PPP2R1B: variants seen among roughly 807,000 people sequenced by gnomAD.
PPP2R1B encodes the protein protein phosphatase 2 scaffold subunit Abeta.
Under a neutral mutation model 72.7 loss-of-function variants are expected in PPP2R1B, and 58 were observed. The observed-to-expected ratio is 0.80, with a 90% CI of 0.65 to 0.99. The LOEUF (loss-of-function observed/expected upper bound fraction) is 0.99, where lower values mean the gene tolerates loss of function less well. Among genes scored for constraint, PPP2R1B ranks in the 50% least tolerant of loss-of-function variants. The pLI, the probability that PPP2R1B is intolerant of heterozygous loss-of-function variation, is 0.00. For synonymous variants in PPP2R1B, 256 were observed against 264.6 expected (o/e 0.97, Z 0.32); for missense variants, 695 against 733.6 (o/e 0.95, Z 0.61).
At chr11:111,688,593 G>A in the PPP2R1B span, among the ~76,000 whole-genome samples, 3 of 152,190 alleles carry the variant, frequency 2.0e-5, no homozygotes, top group Non-Finnish European at 1.5e-5. The surrounding 1 kb of genome is among the most constrained non-coding windows in gnomAD (Gnocchi z 4.2). Context: ...AGAAATAGTT[G>A]AGACAGAAAA....
At position 111,738,536 on chromosome 11, in the gene PPP2R1B, G is replaced by A; in HGVS notation, c.*3060C>T. 2.0e-6 allele frequency: 2 copies of A among 985,490 alleles called. No homozygotes were observed. The highest frequency in any genetic ancestry group is 1.2e-6 in the Non-Finnish European group (1 of 829,960). The allele number at this position is 985,490 out of a possible 1,614,324, so 61.0% of individuals were successfully genotyped here. A position where few individuals can be genotyped will look rare whatever the true frequency, so the allele number is the denominator to read the frequency against. On this transcript the variant is annotated 3_prime_UTR_variant, in exon 15 of 15. Transcript: ENST00000527614. ...TCTACGCAAGCAACCTGAATGCCTGGACAAGCCAGCTCAAAGGTCAGGCTG... is the reference window on the plus strand; with the variant it reads ...TCTACGCAAGCAACCTGAATGCCTGAACAAGCCAGCTCAAAGGTCAGGCTG...
In PPP2R1B at chr11:111,740,180, C is replaced by T; in HGVS notation, c.*1416G>A. 2.0e-6 allele frequency: 2 copies of T among 985,356 alleles called. No homozygotes were observed. Among genetic ancestry groups the T allele is most frequent in the Non-Finnish European group, 1.2e-6 (1 of 829,870 alleles). The allele number at this position is 985,356 out of a possible 1,614,324, so 61.0% of individuals were successfully genotyped here. ...ATAAACTATGGGAAAACCCCCTTAA[C>T]CAAAAGTCATGAGACAAGGTGAGTT... On this transcript the variant is annotated 3_prime_UTR_variant, in exon 15 of 15. Transcript: ENST00000527614.
At chr11:111,722,024 C>T (rs1943817852), downstream of PPP2R1B, 2 of 1,089,114 alleles carry the variant, frequency 1.8e-6, no homozygotes, top group African/African-American at 3.1e-5. The surrounding 1 kb of genome is among the most constrained non-coding windows in gnomAD (Gnocchi z 4.4). Flanking sequence ...TTTTGCCTGG[C>T]ATTTATTTAG....
chr11:111,737,315 G>T (rs1014744476), downstream of PPP2R1B: 1 of 1,347,460 alleles, frequency 7.4e-7, no homozygotes, highest in Non-Finnish European at 1.0e-6. Context: ...CTTAAAATTG[G>T]ACTCTTCCCC....
intron 3 of PPP2R1B, 172 bp from the exon 4 acceptor site, chr11:111,761,223 A>G: frequency 1.4e-6 from 1 of 718,806 alleles, no homozygotes; most frequent in Non-Finnish European, 2.5e-6. Context: ...TGGTGCGGCC[A>G]ACCCAAAGAC....
downstream of PPP2R1B, among the ~76,000 whole-genome samples, chr11:111,736,649 G>A (rs1337607773): frequency 6.6e-6 from 1 of 152,330 alleles, no homozygotes; most frequent in African/African-American, 2.4e-5. Flanking sequence ...ATGAGTGACT[G>A]CGATTCTGGA....
Position 111,740,274 on chromosome 11 carries a change from G to C in PPP2R1B, c.*1322C>G. On this transcript the variant is annotated 3_prime_UTR_variant, in exon 15 of 15. Transcript: ENST00000527614. Reference sequence around the variant, plus strand: ...GCTCTATGGCCCAGGCTAGAGTGCAGTGGCGCGATCTCGGCTCAGTGCAAC... The same window carrying C: ...GCTCTATGGCCCAGGCTAGAGTGCACTGGCGCGATCTCGGCTCAGTGCAAC... 1 of 954,648 alleles carries C rather than the reference G, an allele frequency of 1.0e-6. No individual in the cohort carries two copies. The highest frequency in any genetic ancestry group is 1.2e-6 in the Non-Finnish European group (1 of 802,022). The allele number at this position is 954,648 out of a possible 1,614,324, so 59.1% of individuals were successfully genotyped here. A position where few individuals can be genotyped will look rare whatever the true frequency, so the allele number is the denominator to read the frequency against.
intron 11 of PPP2R1B, 47 bp downstream of exon 11, chr11:111,747,907 A>T: frequency 6.5e-7 from 1 of 1,537,014 alleles, no homozygotes; most frequent in Non-Finnish European, 8.9e-7. Context: ...AAATGTATGA[A>T]AATCATGGAT....
At chr11:111,696,672 CATA>C in the PPP2R1B span, among the ~76,000 whole-genome samples, 1 of 152,154 alleles carries the variant, frequency 6.6e-6, no homozygotes, top group African/African-American at 2.4e-5. Context: ...TGATTGTTTT[CATA>C]ATGTTTTCCA....
intron 1 of PPP2R1B, chr11:111,765,744 G>A: frequency 2.1e-6 from 1 of 482,282 alleles, no homozygotes; most frequent in Non-Finnish European, 4.1e-6. Flanking sequence ...AGTTCCCACA[G>A]AGCGGATACA....
chr11:111,763,036 G>A (rs941201974), intron 3 of PPP2R1B, among the ~76,000 whole-genome samples: 2 of 152,212 alleles, frequency 1.3e-5, no homozygotes, highest in South Asian at 4.1e-4. Context: ...AGATGGTGAT[G>A]AGTACTCTAT....
chr11:111,738,101 AG>A lies in PPP2R1B; in HGVS notation c.*3494del, dbSNP rs754535985. 2.2e-4 allele frequency: 215 copies of A among 989,884 alleles called. No individual in the cohort carries two copies. The highest frequency in any genetic ancestry group is 2.6e-4 in the Non-Finnish European group (213 of 832,156). The allele number at this position is 989,884 out of a possible 1,614,324, so 61.3% of individuals were successfully genotyped here. A position where few individuals can be genotyped will look rare whatever the true frequency, so the allele number is the denominator to read the frequency against. The stretch of plus-strand genomic sequence containing the variant: ...GGAGACATGCGAGGGAAGAGGAAAG[AG>A]GAGAGTAAGGAACTGGATGGAAACA... On this transcript the variant is annotated 3_prime_UTR_variant, in exon 15 of 15. Coordinates refer to ENST00000527614, the MANE Select transcript of PPP2R1B (RefSeq NM_002716.5).
At chr11:111,694,137 T>A in the PPP2R1B span, among the ~76,000 whole-genome samples, 1 of 152,210 alleles carries the variant, frequency 6.6e-6, no homozygotes, top group Non-Finnish European at 1.5e-5. Flanking sequence ...AAACACTCAA[T>A]ACAAGGTAGC....
downstream of PPP2R1B, chr11:111,725,821 G>T (rs1220293802): frequency 6.6e-6 from 1 of 152,594 alleles, no homozygotes; most frequent in Non-Finnish European, 1.5e-5. Flanking sequence ...GCCAGAGACT[G>T]CCTGGTCGCC....
chr11:111,708,222 A>C, the PPP2R1B span, among the ~76,000 whole-genome samples: 1 of 152,064 alleles, frequency 6.6e-6, no homozygotes, highest in Non-Finnish European at 1.5e-5. Context: ...TCTCTACTAA[A>C]AACAAAAAAA....
intron 15 of PPP2R1B, chr11:111,727,078 T>C: frequency 1.9e-6 from 3 of 1,606,032 alleles, no homozygotes; most frequent in Non-Finnish European, 2.6e-6. Flanking sequence ...AACAGCATGT[T>C]AGCCCGACAG....
chr11:111,706,653 G>A, the PPP2R1B span, among the ~76,000 whole-genome samples: 4 of 152,132 alleles, frequency 2.6e-5, no homozygotes, highest in South Asian at 2.1e-4. Flanking sequence ...TTTGTTATAC[G>A]TACTTTATAT....
At chr11:111,693,708 A>G in the PPP2R1B span, among the ~76,000 whole-genome samples, 2 of 152,186 alleles carry the variant, frequency 1.3e-5, no homozygotes, top group African/African-American at 4.8e-5. Flanking sequence ...GCTGGTGCAA[A>G]TTCTGTCTGT....
chr11:111,731,655 G>A (rs1591663144), intron 15 of PPP2R1B, among the ~76,000 whole-genome samples: 3 of 152,224 alleles, frequency 2.0e-5, no homozygotes, highest in Non-Finnish European at 4.4e-5. Context: ...CTGGTCTCTG[G>A]GTAGCGGTGG....
Sources: allele counts gnomAD v4.1 joint callset (sites outside exome capture counted in the v4.1 genomes callset), GRCh38; gene constraint gnomAD v4.1.1; non-coding constraint Gnocchi (gnomAD v3.1); transcripts MANE v1.5; gene names NCBI Gene and HGNC (gene_info 2026-07-23, HGNC 2026-07-21).